Variants in SLC24A2 observed in about 807,000 individuals in gnomAD.
SLC24A2 encodes sodium/potassium/calcium exchanger 2.
SLC24A2 carries 36 observed loss-of-function variants against 62.0 expected under a neutral mutation model. The ratio of observed to expected loss-of-function variants is 0.58; its 90% CI spans 0.44 to 0.77. The LOEUF (loss-of-function observed/expected upper bound fraction) is 0.77. Among genes scored for constraint, SLC24A2 ranks in the 30% least tolerant of loss-of-function variants. The probability of loss-of-function intolerance (pLI) is 0.00; values close to 1 mark genes in which losing one functional copy is unlikely to be tolerated. For synonymous variants in SLC24A2, 358 were observed against 294.0 expected, an observed-to-expected ratio of 1.22 and a Z score of -2.23; for missense variants, 846 against 817.9, an observed-to-expected ratio of 1.03 and a Z score of -0.42.
At chr9:19,870,709 TATAA>T in the SLC24A2 span, among the ~76,000 whole-genome samples, 3 of 152,154 alleles carry the variant, frequency 2.0e-5, no homozygotes, top group African/African-American at 4.8e-5. Flanking sequence ...TCCTATTAGG[TATAA>T]AGTTGTGTCT....
chr9:20,163,487 C>A, the SLC24A2 span, among the ~76,000 whole-genome samples: 1 of 152,010 alleles, frequency 6.6e-6, no homozygotes, highest in South Asian at 2.1e-4. Context: ...AAAGAGGATA[C>A]AAAGAAATGG....
chr9:20,038,506 G>A, the SLC24A2 span, among the ~76,000 whole-genome samples: 146 of 151,680 alleles, frequency 9.6e-4, 1 homozygote, highest in African/African-American at 3.4e-3. Flanking sequence ...GTGACCCTAC[G>A]AATAAAAACT....
At position 19,597,422 on chromosome 9, in the gene SLC24A2, G is replaced by A; in HGVS notation, c.1079-143C>T. On this transcript the variant is annotated intron_variant, in intron 4 of 10. Transcript: ENST00000341998. ...AACTATATGGAGATGTGCAAACATG[G>A]GCCATGTGGCAGACAGCTTTCACGG... 6 of 691,956 alleles carry A rather than the reference G, an allele frequency of 8.7e-6. 1 individual carries two copies. The Middle Eastern group carries it at 1.5e-3, about 179-fold the overall frequency. The allele number at this position is 691,956 out of a possible 1,614,324, so 42.9% of individuals were successfully genotyped here.
At chr9:20,046,995 T>G in the SLC24A2 span, among the ~76,000 whole-genome samples, 11 of 152,276 alleles carry the variant, frequency 7.2e-5, no homozygotes, top group African/African-American at 1.2e-4. Context: ...GGATCCCTTA[T>G]TTTTACGGGA....
chr9:19,882,406 C>CT, the SLC24A2 span, among the ~76,000 whole-genome samples: 171 of 152,052 alleles, frequency 1.1e-3, no homozygotes, highest in Middle Eastern at 6.8e-3. Context: ...GTTCTTTGCC[C>CT]TTTTTTGGTT....
chr9:20,021,409 A>T, the SLC24A2 span, among the ~76,000 whole-genome samples: 1 of 151,992 alleles, frequency 6.6e-6, no homozygotes, highest in East Asian at 1.9e-4. Flanking sequence ...ACATGTATAT[A>T]ATCTAAGGCA....
chr9:20,061,977 T>G, the SLC24A2 span, among the ~76,000 whole-genome samples: 4 of 152,204 alleles, frequency 2.6e-5, no homozygotes, highest in Admixed American at 1.3e-4. Flanking sequence ...GGCTCACACC[T>G]GTAATCCCAG....
chr9:19,550,388 C>A, intron 7 of SLC24A2, 120 bp from the exon 8 acceptor site: 1 of 941,762 alleles, frequency 1.1e-6, no homozygotes, highest in Non-Finnish European at 1.7e-6. Context: ...GGACTCGTTC[C>A]AGTAGCTTCA....
intron 4 of SLC24A2, among the ~76,000 whole-genome samples, chr9:19,613,529 T>C (rs2383106): frequency 0.75 from 113,916 of 152,018 alleles, 42,792 homozygotes; most frequent in East Asian, 0.88. Context: ...ACATCTTTAT[T>C]CCCAGCATTC....
At chr9:19,794,520 C>A in the SLC24A2 span, among the ~76,000 whole-genome samples, 4 of 151,938 alleles carry the variant, frequency 2.6e-5, no homozygotes, top group Non-Finnish European at 2.9e-5. Flanking sequence ...GTACATCAAA[C>A]CCCTGTGACA....
chr9:20,020,388 G>A, the SLC24A2 span, among the ~76,000 whole-genome samples: 1 of 152,156 alleles, frequency 6.6e-6, no homozygotes, highest in South Asian at 2.1e-4. Flanking sequence ...ATATTATGCA[G>A]CCCTAAAAAA....
At chr9:19,583,552 G>A (rs1337113458) in intron 5 of SLC24A2, among the ~76,000 whole-genome samples, 1 of 152,134 alleles carries the variant, frequency 6.6e-6, no homozygotes, top group Non-Finnish European at 1.5e-5. Flanking sequence ...ACAAATCCTT[G>A]TGTTCATGGT....
the SLC24A2 span, among the ~76,000 whole-genome samples, chr9:19,903,708 A>C: frequency 6.6e-6 from 1 of 152,180 alleles, no homozygotes; most frequent in Non-Finnish European, 1.5e-5. Context: ...AATGATGGGC[A>C]TTAGAGATGG....
intron 2 of SLC24A2, among the ~76,000 whole-genome samples, chr9:19,780,246 T>A (rs1822972413): frequency 6.6e-6 from 1 of 151,016 alleles, no homozygotes; most frequent in Admixed American, 6.6e-5. Context: ...TTAAGTTAAA[T>A]ACACAGGTTA....
chr9:19,740,167 G>C (rs1821630765), intron 2 of SLC24A2, among the ~76,000 whole-genome samples: 1 of 120,450 alleles, frequency 8.3e-6, no homozygotes, highest in Non-Finnish European at 1.8e-5. Flanking sequence ...AAAATTCTTA[G>C]GCAGTATTTA....
chr9:19,733,140 T>G (rs1304066697), intron 2 of SLC24A2, among the ~76,000 whole-genome samples: 3 of 151,862 alleles, frequency 2.0e-5, no homozygotes, highest in Non-Finnish European at 4.4e-5. Context: ...GGTATCTTGG[T>G]CCAAGTTTCC....
At chr9:20,285,816 A>C in the SLC24A2 span, among the ~76,000 whole-genome samples, 78,194 of 151,978 alleles carry the variant, frequency 0.51, 20,907 homozygotes, top group African/African-American at 0.68. Flanking sequence ...ACTGGGACAC[A>C]CAGAGAGACA....
intron 2 of SLC24A2, among the ~76,000 whole-genome samples, chr9:19,704,942 G>C (rs1820467068): frequency 1.3e-5 from 2 of 152,082 alleles, no homozygotes; most frequent in Non-Finnish European, 2.9e-5. Flanking sequence ...TCTGAGTTCT[G>C]GTTGGGAATA....
chr9:20,031,109 C>CACACACATATATATTCACAT, the SLC24A2 span, among the ~76,000 whole-genome samples: 1 of 151,582 alleles, frequency 6.6e-6, no homozygotes, highest in African/African-American at 2.4e-5. Flanking sequence ...TATATGTATA[C>CACACACATATATATTCACAT]ACACACATAT....
Sources: gnomAD v4.1 joint callset for allele counts (sites outside exome capture counted in the v4.1 genomes callset) on GRCh38, gnomAD v4.1.1 for gene constraint, MANE v1.5 for transcripts, NCBI Gene and HGNC (gene_info 2026-07-23, HGNC 2026-07-21) for gene names.